NEURL1B: variants seen among roughly 807,000 people sequenced by gnomAD.
The protein encoded by NEURL1B is neuralized E3 ubiquitin protein ligase 1B.
Under a neutral mutation model 37.4 loss-of-function variants are expected in NEURL1B, and 13 were observed. The observed-to-expected ratio is 0.35, with a 90% CI of 0.23 to 0.55. NEURL1B has a LOEUF of 0.55. Among genes scored for constraint, NEURL1B ranks in the 20% least tolerant of loss-of-function variants. The pLI is 0.89. For synonymous variants in NEURL1B, 432 were observed against 426.6 expected (o/e 1.01, Z -0.16); for missense variants, 790 against 879.2 (o/e 0.90, Z 1.28).
intron 1 of NEURL1B, among the ~76,000 whole-genome samples, chr5:172,659,267 G>T (rs1477224411): frequency 6.6e-6 from 1 of 152,116 alleles, no homozygotes; most frequent in East Asian, 1.9e-4. Context: ...TGGGCCAGTG[G>T]GTCTATTGTG....
intron 1 of NEURL1B, among the ~76,000 whole-genome samples, chr5:172,642,038 T>C (rs1399161177): frequency 6.6e-6 from 1 of 152,130 alleles, no homozygotes; most frequent in African/African-American, 2.4e-5. Context: ...CGCCCCCTAG[T>C]TAAAATCGCC....
In NEURL1B at chr5:172,669,835, G is replaced by A. The variant is rs1269150827; in HGVS notation, c.82G>A (p.Gly28Ser). The A allele has an allele frequency of 8.2e-6, 11 of 1,344,632 alleles. No homozygotes were observed. The highest frequency in any genetic ancestry group is 3.1e-5 in the African/African-American group (2 of 64,036). The allele number at this position is 1,344,632 out of a possible 1,614,324, so 83.3% of individuals were successfully genotyped here. Residue 28 changes from glycine to serine, a missense_variant, in exon 2 of 5, where the codon GGC becomes AGC. Transcript: ENST00000369800. ...LLATRPCCGPGPERRPVLGEA... is the reference protein window; with the variant it reads ...LLATRPCCGPSPERRPVLGEA... ...GGCCACCCGGCCGTGCTGCGGCCCC[G>A]GCCCCGAGCGACGCCCGGTCCTGGG...
chr5:172,642,687 C>T (rs935712900), intron 1 of NEURL1B, among the ~76,000 whole-genome samples: 4 of 152,254 alleles, frequency 2.6e-5, no homozygotes, highest in Admixed American at 1.3e-4. Context: ...CCAACTCCTA[C>T]TTTACAAGCC....
chr5:172,683,771 G>A lies in NEURL1B; in HGVS notation c.930G>A (p.Leu310=). 2.3e-6 allele frequency: 3 copies of A among 1,308,078 alleles called. No individual in the cohort carries two copies. The highest frequency in any genetic ancestry group is 2.9e-6 in the Non-Finnish European group (3 of 1,024,350). 81.0% of individuals were successfully genotyped at this position (1,308,078 alleles called of 1,614,324 possible). ...CAPRPDGGRT[L]VFSERPLRPG... ...CGCGGCCCGACGGCGGCCGCACGCTGGTCTTCTCCGAGCGCCCGCTGCGGC... is the reference window on the plus strand; with the variant it reads ...CGCGGCCCGACGGCGGCCGCACGCTAGTCTTCTCCGAGCGCCCGCTGCGGC... The change falls in exon 3 of 5, where the codon CTG becomes CTA. Residue 310 remains leucine, a synonymous_variant. Coordinates refer to ENST00000369800, the MANE Select transcript of NEURL1B (RefSeq NM_001142651.3). The surrounding 1 kb of genome is among the most constrained non-coding windows in gnomAD (Gnocchi z 5.6).
At chr5:172,656,406 A>G in intron 1 of NEURL1B, 2 of 749,916 alleles carry the variant, frequency 2.7e-6, no homozygotes, top group Non-Finnish European at 4.3e-6. Context: ...CAACAGCTCC[A>G]AGACAACACT....
intron 1 of NEURL1B, among the ~76,000 whole-genome samples, chr5:172,653,977 T>A (rs1426177773): frequency 1.3e-5 from 2 of 152,220 alleles, no homozygotes; most frequent in African/African-American, 2.4e-5. Context: ...ACTTTTTACA[T>A]AAATTCTCCC....
In NEURL1B at chr5:172,665,928, C is replaced by T. The variant is rs993728238; in HGVS notation, c.32-3857C>T. ...TGACCTGGAGAGACTCAGATCTCCA[C>T]GAAGGCAGGATGTGTGTGATCTGCA... On this transcript the variant is annotated intron_variant, in intron 1 of 4. Coordinates refer to ENST00000369800, the MANE Select transcript of NEURL1B (RefSeq NM_001142651.3). The surrounding 1 kb of genome is among the most constrained non-coding windows in gnomAD (Gnocchi z 4.1). Among the ~76,000 whole-genome samples the T allele has an allele frequency of 1.3e-5, 2 of 152,138 alleles. No homozygotes were observed. The highest frequency in any genetic ancestry group is 2.4e-5 in the African/African-American group (1 of 41,430).
intron 2 of NEURL1B, among the ~76,000 whole-genome samples, chr5:172,674,453 T>G (rs1471022473): frequency 2.0e-5 from 3 of 152,028 alleles, no homozygotes; most frequent in Non-Finnish European, 4.4e-5. Context: ...GGAAAGTGAC[T>G]AGCTTAGAAC....
chr5:172,660,178 C>T (rs1362475362), intron 1 of NEURL1B, among the ~76,000 whole-genome samples: 4 of 152,228 alleles, frequency 2.6e-5, no homozygotes, highest in Admixed American at 1.3e-4. Flanking sequence ...TGGGAGCCGG[C>T]GCCTCTGAAG....
At chr5:172,668,067 A>G (rs1758049609) in intron 1 of NEURL1B, among the ~76,000 whole-genome samples, 1 of 151,928 alleles carries the variant, frequency 6.6e-6, no homozygotes, top group African/African-American at 2.4e-5. Flanking sequence ...GCCCTTCCTC[A>G]AAGTCCTAAG....
At chr5:172,648,293 G>A (rs1757597218) in intron 1 of NEURL1B, among the ~76,000 whole-genome samples, 1 of 152,208 alleles carries the variant, frequency 6.6e-6, no homozygotes, top group Non-Finnish European at 1.5e-5. Flanking sequence ...GCACCTGCTA[G>A]GATTATGTAT....
chr5:172,653,893 C>A (rs182891246), intron 1 of NEURL1B, among the ~76,000 whole-genome samples: 126 of 152,232 alleles, frequency 8.3e-4, no homozygotes, highest in Non-Finnish European at 1.6e-3. Context: ...CATGCCTCAA[C>A]TTTCTGACTT....
Position 172,683,309 on chromosome 5 carries a change from AGGCCCGGGTC to A in NEURL1B, c.578-107_578-98del. On this transcript the variant is annotated intron_variant, in intron 2 of 4. Coordinates refer to ENST00000369800, the MANE Select transcript of NEURL1B (RefSeq NM_001142651.3). This position sits in a 1 kb window ranked among gnomAD's most constrained non-coding sequence, Gnocchi z 5.6. The stretch of plus-strand genomic sequence containing the variant: ...GCCGGGGTGGGGTGGGGGCTGCTCG[AGGCCCGGGTC>A]GGTCGTGGAGGCCTGCAGGAGGCAG... 2 of 1,210,950 alleles carry A rather than the reference AGGCCCGGGTC, an allele frequency of 1.7e-6. No individual in the cohort carries two copies. The highest frequency in any genetic ancestry group is 2.1e-6 in the Non-Finnish European group (2 of 964,498). The allele number at this position is 1,210,950 out of a possible 1,614,324, so 75.0% of individuals were successfully genotyped here.
At chr5:172,660,826 G>A (rs1460641323) in intron 1 of NEURL1B, among the ~76,000 whole-genome samples, 1 of 152,168 alleles carries the variant, frequency 6.6e-6, no homozygotes, top group Non-Finnish European at 1.5e-5. Context: ...TTTTAGCAAA[G>A]GCAGGGTTTC....
chr5:172,663,582 A>G (rs1757945297), intron 1 of NEURL1B, among the ~76,000 whole-genome samples: 1 of 149,870 alleles, frequency 6.7e-6, no homozygotes, highest in South Asian at 2.1e-4. Flanking sequence ...TCTCCCTTCT[A>G]TGAACGAGAA....
At chr5:172,642,807 G>T (rs907122587) in intron 1 of NEURL1B, among the ~76,000 whole-genome samples, 1 of 152,200 alleles carries the variant, frequency 6.6e-6, no homozygotes, top group African/African-American at 2.4e-5. Context: ...CTGCTTACTG[G>T]AGGGTGGCCT....
At chr5:172,685,563 C>G (rs1321412312) in intron 3 of NEURL1B, among the ~76,000 whole-genome samples, 1 of 152,174 alleles carries the variant, frequency 6.6e-6, no homozygotes, top group Non-Finnish European at 1.5e-5. Flanking sequence ...GGGCAAAACC[C>G]CACTCAAAGT....
intron 2 of NEURL1B, among the ~76,000 whole-genome samples, chr5:172,679,630 TAA>T (rs1372454471): frequency 6.6e-6 from 1 of 152,198 alleles, no homozygotes; most frequent in African/African-American, 2.4e-5. Flanking sequence ...CCACAAAGAA[TAA>T]GTGAGGCCAT....
chr5:172,667,708 TG>T (rs1758042613), intron 1 of NEURL1B, among the ~76,000 whole-genome samples: 1 of 152,098 alleles, frequency 6.6e-6, no homozygotes, highest in Non-Finnish European at 1.5e-5. Flanking sequence ...CCAGCATCCT[TG>T]CCACCGCCTC....
Sources: gnomAD v4.1 joint callset for allele counts (sites outside exome capture counted in the v4.1 genomes callset) on GRCh38, gnomAD v4.1.1 for gene constraint, Gnocchi (gnomAD v3.1) non-coding constraint, MANE v1.5 for transcripts, NCBI Gene and HGNC (gene_info 2026-07-23, HGNC 2026-07-21) for gene names.